Variants in CHIC1 observed in about 807,000 individuals in gnomAD.
CHIC1 encodes cysteine rich hydrophobic domain 1, also known as cysteine-rich hydrophobic domain-containing protein 1.
Under a neutral mutation model 18.5 loss-of-function variants are expected in CHIC1, and 7 were observed. The observed-to-expected ratio is 0.38, with a 90% CI of 0.22 to 0.71. CHIC1 has a LOEUF of 0.71. Ranked by LOEUF, CHIC1 falls within the 30% of genes least tolerant of loss-of-function variation. CHIC1 has a pLI of 0.49. For missense variants in CHIC1, 159 were observed against 176.9 expected, an observed-to-expected ratio of 0.90 and a Z score of 0.57; for synonymous variants, 77 against 73.5, an observed-to-expected ratio of 1.05 and a Z score of -0.25.
intron 3 of CHIC1, among the ~76,000 whole-genome samples, chrX:73,626,048 A>G (rs1569503219): frequency 9.0e-6 from 1 of 111,030 alleles, no homozygotes; most frequent in Non-Finnish European, 1.9e-5. Context: ...AGGGGTCCGG[A>G]TCCAGACCCC....
intron 3 of CHIC1, among the ~76,000 whole-genome samples, chrX:73,593,033 T>C (rs2057589726): frequency 1.8e-5 from 2 of 111,005 alleles, no homozygotes; most frequent in South Asian, 7.6e-4. Context: ...TTTATATTCC[T>C]GTGAGATTGG....
rs1404031369 is a variant in CHIC1 at position 73,685,459 on chromosome X, G to T, written c.*4454G>T. ...CATATCCTATCCAACATTTACTTTAGTGTCTAATCAAATTCCATACCCTCA... is the reference window on the plus strand; with the variant it reads ...CATATCCTATCCAACATTTACTTTATTGTCTAATCAAATTCCATACCCTCA... On this transcript the variant is annotated 3_prime_UTR_variant, in exon 6 of 6. Transcript: ENST00000373502. The T allele has an allele frequency of 8.9e-6, 1 of 111,738 alleles. No individual in the cohort carries two copies. The highest frequency in any genetic ancestry group is 1.9e-5 in the Non-Finnish European group (1 of 53,031). 9.2% of individuals were successfully genotyped at this position (111,738 alleles called of 1,213,427 possible). A position where few individuals can be genotyped will look rare whatever the true frequency, so the allele number is the denominator to read the frequency against.
intron 3 of CHIC1, among the ~76,000 whole-genome samples, chrX:73,628,359 A>G (rs543875008): frequency 1.8e-5 from 2 of 111,703 alleles, no homozygotes; most frequent in East Asian, 2.8e-4. Context: ...ACTAGGACTC[A>G]CCTAAAAGTT....
intron 3 of CHIC1, among the ~76,000 whole-genome samples, chrX:73,599,970 G>A (rs2057635107): frequency 1.0e-5 from 1 of 97,038 alleles, no homozygotes; most frequent in Non-Finnish European, 2.0e-5. Context: ...CATGAGCATG[G>A]AATGTTCTTC....
chrX:73,610,697 A>G (rs1419721245), intron 3 of CHIC1, among the ~76,000 whole-genome samples: 3 of 108,487 alleles, frequency 2.8e-5, no homozygotes, highest in African/African-American at 7.2e-5. Context: ...CTGTGAAGCA[A>G]TCCATTCCTG....
chrX:73,679,822 T>G, intron 5 of CHIC1, 109 bp downstream of exon 5: 3 of 400,256 alleles, frequency 7.5e-6, no homozygotes, highest in Non-Finnish European at 1.2e-5. Flanking sequence ...AGCCAGAACT[T>G]TTGTCCATTG....
chrX:73,679,370 AT>A lies in CHIC1; in HGVS notation c.554del (p.Leu185TyrfsTer11). 8.9e-7 allele frequency: 1 copy of A among 1,127,376 alleles called. No homozygotes were observed. Among genetic ancestry groups the A allele is most frequent in the Non-Finnish European group, 1.2e-6 (1 of 822,288 alleles). 92.9% of individuals were successfully genotyped at this position (1,127,376 alleles called of 1,213,427 possible). On this transcript the variant is annotated frameshift_variant, in exon 4 of 6. Transcript: ENST00000373502. LOFTEE classifies it high-confidence loss of function. ...QKLIEWENNR[L>X]YHKLALHWKL... ...AGTTAATAGAATGGGAAAATAACAG[AT>A]TATATCACAAGGTAAGAAATTTTAA...
At chrX:73,677,081 G>T (rs1049675209) in intron 3 of CHIC1, among the ~76,000 whole-genome samples, 1 of 111,406 alleles carries the variant, frequency 9.0e-6, no homozygotes, top group Non-Finnish European at 1.9e-5. Flanking sequence ...CTGCCTGATC[G>T]TTCCTCTGGA....
At chrX:73,666,758 G>C (rs1296612930) in intron 3 of CHIC1, among the ~76,000 whole-genome samples, 1 of 112,362 alleles carries the variant, frequency 8.9e-6, no homozygotes, top group Non-Finnish European at 1.9e-5. Flanking sequence ...TTGCTGAGGA[G>C]TGTTTTACTT....
intron 3 of CHIC1, among the ~76,000 whole-genome samples, chrX:73,602,549 G>A (rs2057656701): frequency 9.2e-6 from 1 of 108,854 alleles, no homozygotes; most frequent in Admixed American, 9.6e-5. Flanking sequence ...TTTGGCTTTT[G>A]TTGCCATTGG....
rs188221149 is a variant in CHIC1, at chrX:73,632,561, A to G, written c.508-46765A>G. 1.9e-4 allele frequency among the ~76,000 whole-genome samples: 21 copies of G among 108,919 alleles called. No homozygotes were observed. The South Asian group carries it at 5.1e-3, about 27-fold the overall frequency. 94.6% of individuals were successfully genotyped at this position (108,919 alleles called of 115,157 possible). ...CTTTTCATTTGTTGATTTTTTTTCC[A>G]TAGTAGTATGCTTTTATTTTTTTTC... On this transcript the variant is annotated intron_variant, in intron 3 of 5. Coordinates refer to ENST00000373502, the MANE Select transcript of CHIC1 (RefSeq NM_001039840.4).
intron 3 of CHIC1, among the ~76,000 whole-genome samples, chrX:73,673,323 A>C (rs1348500471): frequency 1.8e-5 from 2 of 111,749 alleles, no homozygotes; most frequent in Admixed American, 9.5e-5. Flanking sequence ...CATTGAATCT[A>C]TAAATTACCT....
intron 1 of CHIC1, among the ~76,000 whole-genome samples, chrX:73,574,474 A>G (rs1437445591): frequency 1.8e-5 from 2 of 109,836 alleles, no homozygotes; most frequent in African/African-American, 6.6e-5. Flanking sequence ...TTCCTTTTCA[A>G]TTTTTTGGAA....
intron 3 of CHIC1, among the ~76,000 whole-genome samples, chrX:73,600,214 C>CAGCTTAAGG (rs2057636837): frequency 1.1e-5 from 1 of 95,057 alleles, no homozygotes; most frequent in Non-Finnish European, 2.0e-5. Context: ...AGTTGCTTAT[C>CAGCTTAAGG]AGCTTAAGGA....
At chrX:73,680,482 C>T (rs2058093358) in intron 5 of CHIC1, among the ~76,000 whole-genome samples, 1 of 111,076 alleles carries the variant, frequency 9.0e-6, no homozygotes, top group Non-Finnish European at 1.9e-5. Flanking sequence ...TTACTCAATC[C>T]ATTTGGGCAC....
At chrX:73,620,455 A>G (rs1234739876) in intron 3 of CHIC1, among the ~76,000 whole-genome samples, 1 of 112,322 alleles carries the variant, frequency 8.9e-6, no homozygotes, top group East Asian at 2.8e-4. Flanking sequence ...TCTAATGACC[A>G]GTGATGATGA....
At chrX:73,595,627 A>G (rs1261417651) in intron 3 of CHIC1, among the ~76,000 whole-genome samples, 2 of 111,717 alleles carry the variant, frequency 1.8e-5, no homozygotes, top group African/African-American at 3.3e-5. Flanking sequence ...TAGTGCTGCA[A>G]TAAACATACG....
chrX:73,678,089 T>C (rs1187342217), intron 3 of CHIC1, among the ~76,000 whole-genome samples: 1 of 110,650 alleles, frequency 9.0e-6, no homozygotes, highest in African/African-American at 3.3e-5. Context: ...AACGAGTTTT[T>C]CCTGTAGATG....
intron 3 of CHIC1, among the ~76,000 whole-genome samples, chrX:73,657,152 C>T (rs914279704): frequency 4.6e-5 from 5 of 108,114 alleles, no homozygotes; most frequent in African/African-American, 1.7e-4. Flanking sequence ...CTCCACCTTC[C>T]GGGTTCACGC....
Sources: gnomAD v4.1 joint callset for allele counts (sites outside exome capture counted in the v4.1 genomes callset) on GRCh38, gnomAD v4.1.1 for gene constraint, MANE v1.5 for transcripts, NCBI Gene and HGNC (gene_info 2026-07-23, HGNC 2026-07-21) for gene names.